MROH2A: variants seen among roughly 807,000 people sequenced by gnomAD.
MROH2A encodes maestro heat like repeat family member 2A.
MROH2A carries 174 observed loss-of-function variants against 200.4 expected under a neutral mutation model. The ratio of observed to expected loss-of-function variants is 0.87; its 90% CI spans 0.77 to 0.98. MROH2A has a LOEUF of 0.98. Among genes scored for constraint, MROH2A ranks in the 50% least tolerant of loss-of-function variants. The pLI is 0.00. For synonymous variants in MROH2A, 829 were observed against 840.4 expected (o/e 0.99, Z 0.23); for missense variants, 2,045 against 2,139.6 (o/e 0.96, Z 0.87).
Position 233,797,352 on chromosome 2 carries a change from G to A in MROH2A, c.1252+1039G>A, listed in dbSNP as rs555126225. The stretch of plus-strand genomic sequence containing the variant: ...ATTTCCCAAAAGTAATTGGACAAAG[G>A]TGCTCATTAAAACATTGTATTAAAA... On this transcript the variant is annotated intron_variant, in intron 11 of 41. Transcript: ENST00000389758. 2.6e-5 allele frequency among the ~76,000 whole-genome samples: 4 copies of A among 152,312 alleles called. No individual in the cohort carries two copies. The East Asian group carries it at 7.7e-4, about 29-fold the overall frequency.
At chr2:233,795,229 C>T (rs192220274) in intron 8 of MROH2A, among the ~76,000 whole-genome samples, 14 of 152,270 alleles carry the variant, frequency 9.2e-5, no homozygotes, top group African/African-American at 2.6e-4. Flanking sequence ...TGCAGTGTTC[C>T]GCGTGGAGCT....
chr2:233,790,653 C>A (rs1701693219), intron 5 of MROH2A, among the ~76,000 whole-genome samples: 1 of 7,524 alleles, frequency 1.3e-4, no homozygotes, highest in Non-Finnish European at 2.1e-4. Context: ...CCCTCCCCTC[C>A]CCTCCCCTCC....
chr2:233,814,364 A>G (rs750072674), intron 25 of MROH2A, among the ~76,000 whole-genome samples: 6 of 152,248 alleles, frequency 3.9e-5, no homozygotes, highest in Non-Finnish European at 2.9e-5. Flanking sequence ...ATGAAGAATC[A>G]GAACTGGGCT....
intron 23 of MROH2A, 105 bp from the exon 24 acceptor site, chr2:233,811,775 T>C (rs1703170606): frequency 1.2e-5 from 9 of 745,882 alleles, no homozygotes; most frequent in Non-Finnish European, 7.1e-6. Flanking sequence ...AGATGTGGGG[T>C]GTTAGACACT....
Position 233,807,741 on chromosome 2 carries a change from T to G in MROH2A, c.2181T>G (p.Ile727Met), listed in dbSNP as rs563240000. The change falls in exon 21 of 42, where the codon ATT (isoleucine) becomes ATG (methionine). Residue 727 changes from isoleucine to methionine, a missense_variant. Transcript: ENST00000389758. This position sits in a 1 kb window ranked among gnomAD's most constrained non-coding sequence, Gnocchi z 4.3. ...YSNDFDSEGV[I>M]MCFGLCARGQ... is the part of the protein sequence containing the mutation. Reference sequence around the variant, plus strand: ...GCTGGGTCTCCCTGCAGGGTGTGATTATGTGCTTTGGCCTGTGTGCCCGGG... The same window carrying G: ...GCTGGGTCTCCCTGCAGGGTGTGATGATGTGCTTTGGCCTGTGTGCCCGGG... 3.1e-5 allele frequency: 48 copies of G among 1,550,680 alleles called. No homozygotes were observed. In the East Asian group the frequency reaches 8.6e-4, roughly 28 times the overall value.
chr2:233,798,222 G>A (rs1253960707), intron 11 of MROH2A, among the ~76,000 whole-genome samples: 1 of 152,178 alleles, frequency 6.6e-6, no homozygotes, highest in Non-Finnish European at 1.5e-5. Flanking sequence ...TGTACAACTA[G>A]CAAACACTTG....
At chr2:233,819,609 A>C in intron 30 of MROH2A, 140 bp downstream of exon 30, 1 of 968,802 alleles carries the variant, frequency 1.0e-6, no homozygotes, top group Non-Finnish European at 1.5e-6. Context: ...AGGAGGAGGA[A>C]ACAGAGTTCT....
In MROH2A at chr2:233,832,673, G is replaced by A. The variant is rs192413708; in HGVS notation, c.4903+29G>A. 2.4e-4 allele frequency: 358 copies of A among 1,483,822 alleles called. 1 individual carries two copies. In the East Asian group the frequency reaches 8.4e-3, roughly 35 times the overall value. 91.9% of individuals were successfully genotyped at this position (1,483,822 alleles called of 1,614,324 possible). ...AGTAGTGGAGAGTGTTAGATGTTGA[G>A]TCCACGACTCACCAACTCACTAGGG... is the stretch of plus-strand genomic sequence containing the variant. On this transcript the variant is annotated intron_variant, in intron 41 of 41. Coordinates refer to ENST00000389758, the MANE Select transcript of MROH2A (RefSeq NM_001394639.1).
chr2:233,829,722 G>T lies in MROH2A; in HGVS notation c.4549G>T (p.Ala1517Ser). The T allele has an allele frequency of 6.7e-7, 1 of 1,489,262 alleles. No individual in the cohort carries two copies. Among genetic ancestry groups the T allele is most frequent in the Non-Finnish European group, 9.0e-7 (1 of 1,116,548 alleles). 92.3% of individuals were successfully genotyped at this position (1,489,262 alleles called of 1,614,324 possible). A position where few individuals can be genotyped will look rare whatever the true frequency, so the allele number is the denominator to read the frequency against. ...KHFFKGEVKKAWIPLMLHSQD... is the reference protein window; with the variant it reads ...KHFFKGEVKKSWIPLMLHSQD... The stretch of plus-strand genomic sequence containing the variant: ...TTTCTTCAAAGGGGAGGTGAAGAAG[G>T]CCTGGATCCCCCTCATGCTGCACTC... Residue 1517 changes from alanine to serine, a missense_variant, in exon 38 of 42, where the codon GCC (alanine) becomes TCC (serine). By Grantham distance (99) the Ala-to-Ser change is moderately conservative. This residue lies in a region of MROH2A where 1,201 missense variants were observed against 1,311.3 expected (regional missense o/e 0.92). Coordinates refer to ENST00000389758, the MANE Select transcript of MROH2A (RefSeq NM_001394639.1).
Position 233,789,531 on chromosome 2 carries a change from T to A in MROH2A, c.311T>A (p.Ile104Asn). The A allele has an allele frequency of 6.8e-7, 1 of 1,464,758 alleles. No individual in the cohort carries two copies. The highest frequency in any genetic ancestry group is 9.0e-7 in the Non-Finnish European group (1 of 1,106,720). The allele number at this position is 1,464,758 out of a possible 1,614,324, so 90.7% of individuals were successfully genotyped here. Residue 104 changes from isoleucine to asparagine, a missense_variant, in exon 4 of 42, where the codon ATC becomes AAC. Physicochemically the swap from Ile to Asn is moderately radical, Grantham distance 149. Transcript: ENST00000389758. ...STQRKVNIYN[I>N]LQDIIQQEGE... ...CAGCGCAAGGTCAACATTTACAACA[T>A]CCTCCAGGACATCATCCAGCAGGAG...
chr2:233,832,694 T>A, intron 41 of MROH2A, 50 bp downstream of exon 41: 1 of 1,312,720 alleles, frequency 7.6e-7, no homozygotes, highest in Non-Finnish European at 1.1e-6. Context: ...ACCAACTCAC[T>A]AGGGGAGCTT....
At chr2:233,832,766 G>GGGC in intron 41 of MROH2A, 122 bp downstream of exon 41, 1 of 478,872 alleles carries the variant, frequency 2.1e-6, no homozygotes, top group East Asian at 5.0e-5. Context: ...GGGGGGGTGG[G>GGGC]AGTGCAACCA....
At position 233,829,065 on chromosome 2, in the gene MROH2A, T is replaced by C; in HGVS notation, c.4439T>C (p.Phe1480Ser). The C allele has an allele frequency of 6.6e-7, 1 of 1,517,360 alleles. No individual in the cohort carries two copies. The highest frequency in any genetic ancestry group is 1.3e-5 in the South Asian group (1 of 79,220). The allele number at this position is 1,517,360 out of a possible 1,614,324, so 94.0% of individuals were successfully genotyped here. A position where few individuals can be genotyped will look rare whatever the true frequency, so the allele number is the denominator to read the frequency against. ...DAMSEQCRIFFDNESELLRLK... is the reference protein window; with the variant it reads ...DAMSEQCRIFSDNESELLRLK... ...ATGTCTGAGCAGTGCAGGATCTTCT[T>C]CGACAACGTGAGTCCGATGAGAGCC... Residue 1480 changes from phenylalanine (F) to serine (S), a missense_variant, in exon 37 of 42, where the codon TTC becomes TCC. Around this residue, in one of 3 missense-constraint regions of MROH2A, gnomAD observed 1,201 missense variants for 1,311.3 expected, o/e 0.92. Transcript: ENST00000389758.
chr2:233,809,007 C>A, intron 21 of MROH2A, 119 bp from the exon 22 acceptor site: 1 of 1,107,000 alleles, frequency 9.0e-7, no homozygotes, highest in Non-Finnish European at 1.3e-6. Flanking sequence ...AGAAAACAGT[C>A]AGGTGAAGCA....
intron 24 of MROH2A, among the ~76,000 whole-genome samples, 174 bp from the exon 25 acceptor site, chr2:233,813,496 T>C (rs1454936611): frequency 6.6e-6 from 1 of 152,198 alleles, no homozygotes; most frequent in Admixed American, 6.5e-5. Context: ...CACTGGACAC[T>C]GGTTACTGGT....
Position 233,796,270 on chromosome 2 carries a change from C to G in MROH2A, c.1209C>G (p.Arg403=). ...SQMETNKEAV[R]VGTLNLIRAI... ...TGGAGACAAACAAGGAGGCCGTCCGCGTGGGGACTCTGAATCTGATTAGGG... is the reference window on the plus strand; with the variant it reads ...TGGAGACAAACAAGGAGGCCGTCCGGGTGGGGACTCTGAATCTGATTAGGG... Residue 403 remains arginine, a synonymous_variant, in exon 11 of 42, where the codon CGC becomes CGG. Transcript: ENST00000389758. 2.2e-6 allele frequency: 3 copies of G among 1,333,640 alleles called. No homozygotes were observed. Among genetic ancestry groups the G allele is most frequent in the Non-Finnish European group, 3.0e-6 (3 of 1,016,318 alleles). The allele number at this position is 1,333,640 out of a possible 1,614,324, so 82.6% of individuals were successfully genotyped here. A position where few individuals can be genotyped will look rare whatever the true frequency, so the allele number is the denominator to read the frequency against.
chr2:233,787,674 T>C lies in MROH2A; in HGVS notation c.277-1823T>C, dbSNP rs762163150. On this transcript the variant is annotated intron_variant, in intron 3 of 41. Transcript: ENST00000389758. The stretch of plus-strand genomic sequence containing the variant: ...ATATATACATATATATTATATATAT[T>C]ATATATACATATATATTATATATAT... Among the ~76,000 whole-genome samples the C allele has an allele frequency of 1.6e-3, 83 of 52,948 alleles. 8 individuals are homozygous for C. Among genetic ancestry groups the C allele is most frequent in the African/African-American group, 4.6e-3 (46 of 10,042 alleles). 34.7% of individuals were successfully genotyped at this position (52,948 alleles called of 152,430 possible). A position where few individuals can be genotyped will look rare whatever the true frequency, so the allele number is the denominator to read the frequency against.
At chr2:233,821,757 A>G (rs1576003579) in intron 31 of MROH2A, among the ~76,000 whole-genome samples, 2 of 130,712 alleles carry the variant, frequency 1.5e-5, no homozygotes, top group South Asian at 4.5e-4. Flanking sequence ...TAGGTGATAT[A>G]ATATCAGAAA....
In MROH2A at chr2:233,822,984, G is replaced by A. The variant is rs1022381976; in HGVS notation, c.3970G>A (p.Gly1324Arg). The A allele has an allele frequency of 1.6e-5, 25 of 1,548,720 alleles. No homozygotes were observed. Among genetic ancestry groups the A allele is most frequent in the South Asian group, 3.6e-5 (3 of 84,058 alleles). ...QAVWDLLQDG[G>R]TFLEGVSLLA... Reference sequence around the variant, plus strand: ...AGTGTGGGACCTCCTGCAGGACGGCGGGACATTCCTGGAGGGTGTGAGCCT... The same window carrying A: ...AGTGTGGGACCTCCTGCAGGACGGCAGGACATTCCTGGAGGGTGTGAGCCT... Residue 1324 changes from glycine to arginine, a missense_variant, in exon 34 of 42, where the codon GGG becomes AGG. Gly to Arg is a moderately radical substitution (Grantham distance 125). Coordinates refer to ENST00000389758, the MANE Select transcript of MROH2A (RefSeq NM_001394639.1).
Sources: allele counts gnomAD v4.1 joint callset (sites outside exome capture counted in the v4.1 genomes callset), GRCh38; gene constraint gnomAD v4.1.1; regional missense constraint gnomAD v4.1.1; non-coding constraint Gnocchi (gnomAD v3.1); transcripts MANE v1.5; gene names NCBI Gene and HGNC (gene_info 2026-07-23, HGNC 2026-07-21).